The following CDC5L variants were observed in gnomAD, a reference collection of about 807,000 sequenced individuals.
CDC5L encodes the protein cell division cycle 5 like.
Under a neutral mutation model 104.1 loss-of-function variants are expected in CDC5L, and 18 were observed. The observed-to-expected ratio is 0.17, with a 90% CI of 0.12 to 0.26. CDC5L has a LOEUF of 0.26. Among genes scored for constraint, CDC5L ranks in the 10% least tolerant of loss-of-function variants. The probability of loss-of-function intolerance (pLI) is 1.00; values close to 1 mark genes in which losing one functional copy is unlikely to be tolerated. For synonymous variants in CDC5L, 331 were observed against 322.7 expected (o/e 1.03, Z -0.28); for missense variants, 673 against 956.9 (o/e 0.70, Z 3.91).
chr6:44,444,671 C>T (rs746809692), intron 14 of CDC5L, among the ~76,000 whole-genome samples: 1 of 152,112 alleles, frequency 6.6e-6, no homozygotes, highest in Non-Finnish European at 1.5e-5. Flanking sequence ...TTCACTGCTC[C>T]CAGGGAGTGT....
chr6:44,403,991 A>G lies in CDC5L; in HGVS notation c.722A>G (p.Lys241Arg), dbSNP rs1470067585. Residue 241 changes from lysine (K) to arginine (R), a missense_variant, in exon 6 of 16, where the codon AAA becomes AGA. Coordinates refer to ENST00000371477, the MANE Select transcript of CDC5L (RefSeq NM_001253.4). Reference sequence around the variant, plus strand: ...CAAGCTCTTGACGCAGATTTCAGGAAATTAAGACAACAGGATCTTGATGGG... The same window carrying G: ...CAAGCTCTTGACGCAGATTTCAGGAGATTAAGACAACAGGATCTTGATGGG... The part of the protein sequence containing the change: ...NYQALDADFR[K>R]LRQQDLDGEL... 6.2e-7 allele frequency: 1 copy of G among 1,611,702 alleles called. No homozygotes were observed. Among genetic ancestry groups the G allele is most frequent in the Non-Finnish European group, 8.5e-7 (1 of 1,179,548 alleles).
In CDC5L at chr6:44,426,607, T is replaced by C; in HGVS notation, c.1776T>C (p.Tyr592=). The part of the protein sequence containing the change: ...MLHYDLLHHP[Y]EPSGNKKGKT... ...ATTATGACCTTCTACATCACCCTTA[T>C]GAACCATCTGGAAATAAAAAAGGCA... is the stretch of plus-strand genomic sequence containing the variant. Residue 592 remains tyrosine, a synonymous_variant, in exon 13 of 16, where the codon TAT becomes TAC. Transcript: ENST00000371477. 1.2e-6 allele frequency: 2 copies of C among 1,613,648 alleles called. No individual in the cohort carries two copies. The highest frequency in any genetic ancestry group is 8.5e-7 in the Non-Finnish European group (1 of 1,179,768).
intron 10 of CDC5L, among the ~76,000 whole-genome samples, chr6:44,424,017 A>C (rs554338418): frequency 3.3e-5 from 5 of 152,282 alleles, no homozygotes; most frequent in African/African-American, 1.2e-4. Flanking sequence ...AATGTTGGGA[A>C]GAAGGGGGGA....
Position 44,448,414 on chromosome 6 carries a change from T to C in CDC5L, c.*1703T>C, listed in dbSNP as rs1307758537. 6.6e-6 allele frequency: 1 copy of C among 152,162 alleles called. No individual in the cohort carries two copies. Among genetic ancestry groups the C allele is most frequent in the African/African-American group, 2.4e-5 (1 of 41,428 alleles). 9.4% of individuals were successfully genotyped at this position (152,162 alleles called of 1,614,324 possible). A position where few individuals can be genotyped will look rare whatever the true frequency, so the allele number is the denominator to read the frequency against. Reference sequence around the variant, plus strand: ...GGTTTTAGAAACATCACTATCTCCTTAGTGTGTAAAATCTCACCAGGCTGG... The same window carrying C: ...GGTTTTAGAAACATCACTATCTCCTCAGTGTGTAAAATCTCACCAGGCTGG... On this transcript the variant is annotated 3_prime_UTR_variant, in exon 16 of 16. Transcript: ENST00000371477.
chr6:44,419,375 A>G (rs974740769), intron 8 of CDC5L, 74 bp from the exon 9 acceptor site: 110 of 1,395,712 alleles, frequency 7.9e-5, no homozygotes, highest in Non-Finnish European at 1.0e-4. Context: ...CAAGATTGGT[A>G]TAGTAGGACC....
At chr6:44,422,537 A>T (rs1792234323) in intron 9 of CDC5L, 110 bp from the exon 10 acceptor site, 2 of 780,976 alleles carry the variant, frequency 2.6e-6, no homozygotes, top group Non-Finnish European at 4.0e-6. Context: ...TGAAATCTTT[A>T]TTCTTTTTTT....
At chr6:44,433,127 T>C (rs2153382788) in intron 14 of CDC5L, among the ~76,000 whole-genome samples, 1 of 152,334 alleles carries the variant, frequency 6.6e-6, no homozygotes, top group East Asian at 1.9e-4. Context: ...TGGTTAAAAA[T>C]AAAAGAGCTT....
intron 14 of CDC5L, among the ~76,000 whole-genome samples, chr6:44,441,932 C>CTTT (rs145016358): frequency 0.058 from 5,367 of 92,742 alleles, 421 homozygotes; most frequent in East Asian, 0.13. Flanking sequence ...AGGTCTTGTT[C>CTTT]TTTTTTTTTT....
Position 44,422,735 on chromosome 6 carries a change from C to T in CDC5L, c.1330C>T (p.Leu444Phe), listed in dbSNP as rs747133163. Reference protein sequence around the residue: ...VINSTPGRTPLRDKLNINPED... With the variant: ...VINSTPGRTPFRDKLNINPED... ...TAACTCTACTCCGGGTAGAACTCCT[C>T]TTCGAGACAAGTTAAACATTAATCC... The change falls in exon 10 of 16, where the codon CTT becomes TTT. Residue 444 changes from leucine (L) to phenylalanine (F), a missense_variant. This residue lies in a region of CDC5L where 578 missense variants were observed against 737.0 expected (regional missense o/e 0.78). Transcript: ENST00000371477. The T allele has an allele frequency of 3.7e-6, 6 of 1,612,878 alleles. No homozygotes were observed. The highest frequency in any genetic ancestry group is 5.1e-6 in the Non-Finnish European group (6 of 1,179,080).
chr6:44,408,580 G>C lies in CDC5L; in HGVS notation c.1040G>C (p.Ser347Thr), dbSNP rs891353395. 6.2e-7 allele frequency: 1 copy of C among 1,613,480 alleles called. No individual in the cohort carries two copies. ...TCTGAGTACAATGTCACCAACAACA[G>C]CGTTGCTCTTAGAACACCACGAACA... ...LLSEYNVTNN[S>T]VALRTPRTPA... Residue 347 changes from serine to threonine, a missense_variant, in exon 8 of 16, where the codon AGC (serine) becomes ACC (threonine). Ser to Thr is a moderately conservative substitution (Grantham distance 58). This residue lies in a region of CDC5L where 578 missense variants were observed against 737.0 expected (regional missense o/e 0.78). Coordinates refer to ENST00000371477, the MANE Select transcript of CDC5L (RefSeq NM_001253.4).
intron 8 of CDC5L, among the ~76,000 whole-genome samples, chr6:44,418,069 T>G (rs1347186471): frequency 6.6e-6 from 1 of 152,168 alleles, no homozygotes; most frequent in East Asian, 1.9e-4. Context: ...TATGTATACA[T>G]GTGCCATGTT....
intron 6 of CDC5L, 60 bp downstream of exon 6, chr6:44,404,087 G>A (rs1017494337): frequency 1.7e-6 from 2 of 1,177,278 alleles, no homozygotes; most frequent in African/African-American, 1.6e-5. Context: ...CTTACGAAGG[G>A]CCAAGTATTA....
chr6:44,407,023 A>T (rs1220139343), intron 7 of CDC5L, among the ~76,000 whole-genome samples: 1 of 152,232 alleles, frequency 6.6e-6, no homozygotes, highest in Non-Finnish European at 1.5e-5. Context: ...ATCAGATCTT[A>T]AACTGCTCAT....
At chr6:44,445,912 G>C in intron 15 of CDC5L, 45 bp downstream of exon 15, 1 of 1,406,908 alleles carries the variant, frequency 7.1e-7, no homozygotes, top group Non-Finnish European at 1.0e-6. Context: ...GTGCTGCAAA[G>C]AATTATCAGG....
At chr6:44,432,883 A>G (rs1792749723) in intron 14 of CDC5L, among the ~76,000 whole-genome samples, 1 of 152,190 alleles carries the variant, frequency 6.6e-6, no homozygotes, top group East Asian at 1.9e-4. Context: ...AGTTAATATA[A>G]GGAAAGGAAA....
chr6:44,445,815 C>A lies in CDC5L; in HGVS notation c.2252C>A (p.Thr751Asn), dbSNP rs1793425955. Residue 751 changes from threonine to asparagine, a missense_variant, in exon 15 of 16, where the codon ACT (threonine) becomes AAT (asparagine). Thr to Asn is a moderately conservative substitution (Grantham distance 65). Around this residue, in one of 4 missense-constraint regions of CDC5L, gnomAD observed 578 missense variants for 737.0 expected, o/e 0.78. Coordinates refer to ENST00000371477, the MANE Select transcript of CDC5L (RefSeq NM_001253.4). ...QIEQAHLELRTFEELKKHEDS... is the reference protein window; with the variant it reads ...QIEQAHLELRNFEELKKHEDS... ...GAACAGGCTCACTTGGAGTTACGCA[C>A]TTTTGAAGAACTCAAGAAACATGAA... 4 of 1,613,852 alleles carry A rather than the reference C, an allele frequency of 2.5e-6. No homozygotes were observed. The highest frequency in any genetic ancestry group is 2.5e-6 in the Non-Finnish European group (3 of 1,179,920).
intron 12 of CDC5L, 40 bp from the exon 13 acceptor site, chr6:44,426,442 A>G (rs1326210884): frequency 4.4e-6 from 5 of 1,124,518 alleles, no homozygotes; most frequent in Non-Finnish European, 6.6e-6. Flanking sequence ...AATATATTAT[A>G]GTGATATGTT....
chr6:44,399,914 G>T (rs1389700835), intron 5 of CDC5L, among the ~76,000 whole-genome samples: 2 of 151,830 alleles, frequency 1.3e-5, no homozygotes, highest in African/African-American at 4.8e-5. Context: ...GCCTTCCAAA[G>T]TGCTGGGATT....
chr6:44,393,650 G>A, intron 4 of CDC5L, 77 bp downstream of exon 4: 1 of 1,414,166 alleles, frequency 7.1e-7, no homozygotes, highest in Non-Finnish European at 9.6e-7. Flanking sequence ...GTTCCTTTCT[G>A]AACTCCTCTA....
Sources: allele counts gnomAD v4.1 joint callset (sites outside exome capture counted in the v4.1 genomes callset), GRCh38; gene constraint gnomAD v4.1.1; regional missense constraint gnomAD v4.1.1; transcripts MANE v1.5; gene names NCBI Gene and HGNC (gene_info 2026-07-23, HGNC 2026-07-21).